Variants in RABGAP1L observed in about 807,000 individuals in gnomAD.
The protein encoded by RABGAP1L is rab GTPase-activating protein 1-like.
Under a neutral mutation model 137.7 loss-of-function variants are expected in RABGAP1L, and 63 were observed. The observed-to-expected ratio is 0.46, with a 90% confidence interval of 0.37 to 0.56. The LOEUF (loss-of-function observed/expected upper bound fraction) is 0.56, where lower values mean the gene tolerates loss of function less well. RABGAP1L is among the 20% of genes least tolerant of loss of function. The probability of loss-of-function intolerance (pLI) is 0.00; values close to 1 mark genes in which losing one functional copy is unlikely to be tolerated. For synonymous variants in RABGAP1L, 431 were observed against 433.7 expected, an observed-to-expected ratio of 0.99 and a Z score of 0.08; for missense variants, 1,095 against 1,244.0, an observed-to-expected ratio of 0.88 and a Z score of 1.80.
At chr1:174,889,107 A>G (rs1655666987) in intron 19 of RABGAP1L, among the ~76,000 whole-genome samples, 1 of 149,276 alleles carries the variant, frequency 6.7e-6, no homozygotes, top group Non-Finnish European at 1.5e-5. Context: ...TTTTTGTTTT[A>G]TTTTTTAATT....
At chr1:174,833,376 G>A (rs935913270) in intron 19 of RABGAP1L, among the ~76,000 whole-genome samples, 2,586 of 55,256 alleles carry the variant, frequency 0.047, 48 homozygotes, top group Non-Finnish European at 0.11. Flanking sequence ...ATTTGTGTGT[G>A]TGTGTGTGTG....
At chr1:174,804,803 T>C (rs755319433) in intron 18 of RABGAP1L, among the ~76,000 whole-genome samples, 29 of 152,218 alleles carry the variant, frequency 1.9e-4, no homozygotes, top group Non-Finnish European at 3.1e-4. Flanking sequence ...TTCATTTTGG[T>C]CAAAGTACTT....
At chr1:174,787,824 T>G (rs1358743774) in intron 18 of RABGAP1L, among the ~76,000 whole-genome samples, 1 of 152,170 alleles carries the variant, frequency 6.6e-6, no homozygotes, top group Non-Finnish European at 1.5e-5. Flanking sequence ...GAAGGCTTCT[T>G]TAACCAAGGC....
intron 17 of RABGAP1L, among the ~76,000 whole-genome samples, chr1:174,741,053 T>C (rs1372615324): frequency 7.1e-6 from 1 of 141,288 alleles, no homozygotes; most frequent in African/African-American, 2.5e-5. Flanking sequence ...TTGTTTTTTT[T>C]TTTTTGTGTG....
At chr1:174,653,993 A>G (rs1557954182) in intron 14 of RABGAP1L, among the ~76,000 whole-genome samples, 1 of 152,216 alleles carries the variant, frequency 6.6e-6, no homozygotes, top group Admixed American at 6.5e-5. Flanking sequence ...GTAAGAGAAA[A>G]TAGGGAAGGA....
chr1:174,949,257 A>C (rs1667366883), intron 19 of RABGAP1L, among the ~76,000 whole-genome samples: 1 of 152,216 alleles, frequency 6.6e-6, no homozygotes. Flanking sequence ...TCAGATTTGC[A>C]TCCTGGAAAA....
chr1:174,226,094 G>A (rs1466897330), intron 3 of RABGAP1L, among the ~76,000 whole-genome samples: 3 of 152,088 alleles, frequency 2.0e-5, no homozygotes, highest in African/African-American at 7.2e-5. Context: ...TTCTTTTTCT[G>A]TTATTTGGCT....
At chr1:174,390,588 A>C (rs972360154) in intron 12 of RABGAP1L, among the ~76,000 whole-genome samples, 17 of 152,320 alleles carry the variant, frequency 1.1e-4, no homozygotes, top group Non-Finnish European at 2.2e-4. Flanking sequence ...TTCTGCCTAC[A>C]ATGTTGGAAA....
At chr1:174,241,714 G>A in intron 5 of RABGAP1L, 57 bp downstream of exon 5, 1 of 1,356,844 alleles carries the variant, frequency 7.4e-7, no homozygotes, top group South Asian at 1.5e-5. Context: ...TAATATTTTT[G>A]AGCTCTAATT....
chr1:174,789,283 G>A (rs1041997247), intron 18 of RABGAP1L, among the ~76,000 whole-genome samples: 1 of 152,144 alleles, frequency 6.6e-6, no homozygotes, highest in East Asian at 1.9e-4. Flanking sequence ...ATTAATCATG[G>A]CATTCTTAAG....
chr1:174,586,186 A>G (rs1433595774), intron 13 of RABGAP1L, among the ~76,000 whole-genome samples: 1 of 152,202 alleles, frequency 6.6e-6, no homozygotes, highest in African/African-American at 2.4e-5. Flanking sequence ...ATTGAATACT[A>G]TGCAGCCATA....
Position 174,909,109 on chromosome 1 carries a change from G to A in RABGAP1L, c.2341-48348G>A, listed in dbSNP as rs112927332. On this transcript the variant is annotated intron_variant, in intron 19 of 25. Transcript: ENST00000681986. ...CAGGAGAATCTCTTAAACCCAGGAA[G>A]CAGAGGTTGCAGTGAGCCAAGATCG... Among the ~76,000 whole-genome samples the A allele has an allele frequency of 1.7e-3, 253 of 149,448 alleles. 1 individual carries two copies. Among genetic ancestry groups the A allele is most frequent in the African/African-American group, 5.9e-3 (242 of 40,752 alleles).
intron 13 of RABGAP1L, among the ~76,000 whole-genome samples, chr1:174,442,808 A>G (rs980924812): frequency 3.3e-5 from 5 of 152,126 alleles, no homozygotes; most frequent in African/African-American, 1.2e-4. Flanking sequence ...TACAACCACT[A>G]GAACGTATTC....
chr1:174,544,244 G>C (rs868521040), intron 13 of RABGAP1L, among the ~76,000 whole-genome samples: 5 of 152,260 alleles, frequency 3.3e-5, no homozygotes, highest in Middle Eastern at 3.4e-3. Context: ...GTCAGGTGTA[G>C]ATTTGTTTTT....
chr1:174,635,412 T>C (rs1266758738), intron 13 of RABGAP1L, among the ~76,000 whole-genome samples: 1 of 152,192 alleles, frequency 6.6e-6, no homozygotes, highest in African/African-American at 2.4e-5. Context: ...GGAGAAAACC[T>C]GGCAGTGAAA....
In RABGAP1L at chr1:174,448,458, T is replaced by G. The variant is rs1329161176; in HGVS notation, c.1710+54313T>G. Reference sequence around the variant, plus strand: ...GTCCACGAGTCATTGACTTGCCAGGTTTTTGGATATATCATCTCAGTTCTA... The same window carrying G: ...GTCCACGAGTCATTGACTTGCCAGGGTTTTGGATATATCATCTCAGTTCTA... On this transcript the variant is annotated intron_variant, in intron 13 of 25. Transcript: ENST00000681986. The surrounding 1 kb of genome is among the most constrained non-coding windows in gnomAD (Gnocchi z 4.2). The G allele has an allele frequency of 6.2e-7, 1 of 1,613,410 alleles. No individual in the cohort carries two copies. Among genetic ancestry groups the G allele is most frequent in the South Asian group, 1.1e-5 (1 of 91,048 alleles).
intron 13 of RABGAP1L, among the ~76,000 whole-genome samples, chr1:174,432,393 C>G (rs1029124517): frequency 8.5e-5 from 13 of 152,072 alleles, no homozygotes; most frequent in Non-Finnish European, 1.3e-4. Flanking sequence ...TTTAAAAAGC[C>G]CCCCATTTAT....
At chr1:174,488,765 T>C (rs189251094) in intron 13 of RABGAP1L, among the ~76,000 whole-genome samples, 56 of 152,272 alleles carry the variant, frequency 3.7e-4, no homozygotes, top group African/African-American at 1.2e-3. Context: ...TTGTCTTTTT[T>C]GTCTATTTTT....
chr1:174,544,715 T>C, intron 13 of RABGAP1L: 1 of 152,382 alleles, frequency 6.6e-6, no homozygotes, highest in Non-Finnish European at 1.5e-5. Context: ...TCTGCTCTGG[T>C]TTCTCCCCGT....
Sources: gnomAD v4.1 joint callset for allele counts (sites outside exome capture counted in the v4.1 genomes callset) on GRCh38, gnomAD v4.1.1 for gene constraint, Gnocchi (gnomAD v3.1) non-coding constraint, MANE v1.5 for transcripts, NCBI Gene and HGNC (gene_info 2026-07-23, HGNC 2026-07-21) for gene names.